Variants in TVP23B observed in about 807,000 individuals in gnomAD.
The protein encoded by TVP23B is Golgi apparatus membrane protein TVP23 homolog B.
In TVP23B, 10 loss-of-function variants were observed where a neutral mutation model predicts 30.6. The observed-to-expected ratio is 0.33, with a 90% CI of 0.20 to 0.55. TVP23B has a LOEUF of 0.55. Ranked by LOEUF, TVP23B falls within the 20% of genes least tolerant of loss-of-function variation. TVP23B has a pLI of 0.91. For synonymous variants in TVP23B, 67 were observed against 83.1 expected, an observed-to-expected ratio of 0.81 and a Z score of 1.06; for missense variants, 153 against 243.2, an observed-to-expected ratio of 0.63 and a Z score of 2.47.
chr17:18,806,015 AGAGT>A lies in TVP23B; in HGVS notation c.*452_*455del, dbSNP rs1360627103. ...AGGAGAAAGTTTTGCTTCTATGGTAAGAGTGAGCACTTTGGCTTATGTATAAGTT... is the reference window on the plus strand; with the variant it reads ...AGGAGAAAGTTTTGCTTCTATGGTAAGAGCACTTTGGCTTATGTATAAGTT... On this transcript the variant is annotated 3_prime_UTR_variant, in exon 7 of 7. Transcript: ENST00000307767. The A allele has an allele frequency of 2.1e-6, 2 of 967,794 alleles. No individual in the cohort carries two copies. The highest frequency in any genetic ancestry group is 2.5e-6 in the Non-Finnish European group (2 of 813,430). 60.0% of individuals were successfully genotyped at this position (967,794 alleles called of 1,614,324 possible).
chr17:18,795,121 G>C (rs993939770), intron 3 of TVP23B, among the ~76,000 whole-genome samples: 4 of 148,866 alleles, frequency 2.7e-5, no homozygotes, highest in African/African-American at 9.9e-5. Context: ...TGCCTCCTGG[G>C]GTTCAAGCCA....
intron 3 of TVP23B, among the ~76,000 whole-genome samples, chr17:18,792,018 G>C (rs2151846725): frequency 6.6e-6 from 1 of 152,190 alleles, no homozygotes; most frequent in South Asian, 2.1e-4. Context: ...CACCAATGTA[G>C]CCATTTTTAG....
At chr17:18,792,017 A>G (rs2036003220) in intron 3 of TVP23B, among the ~76,000 whole-genome samples, 1 of 152,164 alleles carries the variant, frequency 6.6e-6, no homozygotes, top group Non-Finnish European at 1.5e-5. Flanking sequence ...CCACCAATGT[A>G]GCCATTTTTA....
intron 1 of TVP23B, among the ~76,000 whole-genome samples, chr17:18,783,514 A>G (rs2035845416): frequency 6.6e-6 from 1 of 152,210 alleles, no homozygotes; most frequent in Non-Finnish European, 1.5e-5. Context: ...GCCTTAGGCA[A>G]CTATTAAAAC....
intron 1 of TVP23B, among the ~76,000 whole-genome samples, chr17:18,783,971 C>A (rs1347057417): frequency 4.6e-5 from 7 of 151,956 alleles, no homozygotes; most frequent in African/African-American, 1.7e-4. Context: ...ACGGTGAAAC[C>A]CCGTCTGTAC....
At chr17:18,797,867 C>A (rs975494643) in intron 4 of TVP23B, among the ~76,000 whole-genome samples, 199 bp downstream of exon 4, 19 of 152,292 alleles carry the variant, frequency 1.2e-4, no homozygotes, top group Middle Eastern at 3.4e-3. Context: ...ATATACAGAA[C>A]AGAATCCTTT....
chr17:18,790,635 A>T (rs1224100472), intron 2 of TVP23B, among the ~76,000 whole-genome samples: 2 of 152,176 alleles, frequency 1.3e-5, no homozygotes, highest in African/African-American at 2.4e-5. Flanking sequence ...ATTCTTTATT[A>T]TCTATTTTGT....
chr17:18,789,535 G>A (rs1237027580), intron 2 of TVP23B, 100 bp downstream of exon 2: 1 of 1,493,090 alleles, frequency 6.7e-7, no homozygotes, highest in Non-Finnish European at 9.2e-7. Context: ...TTGTTTCAAT[G>A]TGCTTGTGAA....
chr17:18,789,775 A>G (rs983815508), intron 2 of TVP23B: 4 of 188,974 alleles, frequency 2.1e-5, no homozygotes, highest in African/African-American at 7.0e-5. Flanking sequence ...ATCACATAAC[A>G]TTTCTATTCT....
At chr17:18,784,140 GTC>G (rs1385403903) in intron 1 of TVP23B, among the ~76,000 whole-genome samples, 1 of 107,930 alleles carries the variant, frequency 9.3e-6, no homozygotes, top group African/African-American at 3.7e-5. Context: ...GCCAGACTCC[GTC>G]TCAAAACAAA....
intron 1 of TVP23B, among the ~76,000 whole-genome samples, chr17:18,784,772 C>G (rs565097832): frequency 2.0e-5 from 3 of 152,356 alleles, no homozygotes; most frequent in African/African-American, 2.4e-5. Context: ...GACACTACCC[C>G]CTCCTGGCTC....
intron 6 of TVP23B, chr17:18,804,542 A>G (rs2036219060): frequency 2.4e-6 from 3 of 1,249,310 alleles, no homozygotes; most frequent in Non-Finnish European, 2.0e-6. Flanking sequence ...TTTTTCATCA[A>G]TTATGGGAGC....
At chr17:18,782,941 C>A (rs1422920575) in intron 1 of TVP23B, among the ~76,000 whole-genome samples, 1 of 151,078 alleles carries the variant, frequency 6.6e-6, no homozygotes, top group African/African-American at 2.4e-5. Flanking sequence ...GGGAATGCAG[C>A]CCAGTAGGTT....
chr17:18,796,494 G>A (rs2036078776), intron 3 of TVP23B: 1 of 152,258 alleles, frequency 6.6e-6, no homozygotes, highest in Admixed American at 6.5e-5. Flanking sequence ...GGTGAGCTGA[G>A]ATCGCCCCGT....
intron 5 of TVP23B, among the ~76,000 whole-genome samples, chr17:18,800,406 CTGCA>C (rs2151851095): frequency 6.6e-6 from 1 of 152,230 alleles, no homozygotes; most frequent in Admixed American, 6.5e-5. Flanking sequence ...ACCAGTCTTA[CTGCA>C]GCTTCTCCTT....
At chr17:18,800,834 C>A (rs1201595258) in intron 5 of TVP23B, among the ~76,000 whole-genome samples, 1 of 152,206 alleles carries the variant, frequency 6.6e-6, no homozygotes, top group Admixed American at 6.5e-5. Context: ...TATGTTGGAT[C>A]ATTTTTATTT....
intron 1 of TVP23B, among the ~76,000 whole-genome samples, chr17:18,788,330 C>CAAAA (rs961283447): frequency 0.27 from 17,995 of 66,964 alleles, 2,982 homozygotes; most frequent in Non-Finnish European, 0.36. Context: ...GACTCCATCT[C>CAAAA]AAAAAAAAAA....
At chr17:18,783,224 C>CGGTG (rs2035837674) in intron 1 of TVP23B, among the ~76,000 whole-genome samples, 1 of 151,986 alleles carries the variant, frequency 6.6e-6, no homozygotes, top group Non-Finnish European at 1.5e-5. Context: ...TTCTGCCTCA[C>CGGTG]CCTCCAGAGT....
intron 2 of TVP23B, among the ~76,000 whole-genome samples, chr17:18,790,671 A>C (rs957237244): frequency 1.3e-5 from 2 of 152,184 alleles, no homozygotes; most frequent in Non-Finnish European, 2.9e-5. Context: ...ATGAGGTGTT[A>C]AAGTCATCTG....
Sources: allele counts gnomAD v4.1 joint callset (sites outside exome capture counted in the v4.1 genomes callset), GRCh38; gene constraint gnomAD v4.1.1; transcripts MANE v1.5; gene names NCBI Gene and HGNC (gene_info 2026-07-23, HGNC 2026-07-21).